The following CDH10 variants were observed in gnomAD, a reference collection of about 807,000 sequenced individuals.
CDH10 encodes cadherin 10.
Under a neutral mutation model 73.1 loss-of-function variants are expected in CDH10, and 30 were observed. The observed-to-expected ratio is 0.41, with a 90% CI of 0.31 to 0.56. CDH10 has a LOEUF of 0.56. Among genes scored for constraint, CDH10 ranks in the 20% least tolerant of loss-of-function variants. CDH10 has a pLI of 0.27. For missense variants in CDH10, 815 were observed against 973.7 expected, an observed-to-expected ratio of 0.84 and a Z score of 2.17; for synonymous variants, 345 against 348.2, an observed-to-expected ratio of 0.99 and a Z score of 0.10.
intron 1 of CDH10, among the ~76,000 whole-genome samples, chr5:24,628,742 G>T (rs867803278): frequency 6.6e-6 from 1 of 151,776 alleles, no homozygotes; most frequent in African/African-American, 2.4e-5. Flanking sequence ...ACCCAGGTTG[G>T]TGTCTTAGTA....
intron 2 of CDH10, among the ~76,000 whole-genome samples, chr5:24,569,974 C>T (rs952602468): frequency 6.6e-5 from 10 of 151,918 alleles, no homozygotes; most frequent in Non-Finnish European, 2.9e-5. Flanking sequence ...CCATATTGGA[C>T]GGGCTGTTCT....
chr5:24,586,761 T>G (rs1409341891), intron 2 of CDH10, among the ~76,000 whole-genome samples: 1 of 149,806 alleles, frequency 6.7e-6, no homozygotes, highest in East Asian at 2.0e-4. Flanking sequence ...AACTCTTAAT[T>G]AAAATTACCA....
At chr5:24,555,971 A>G (rs1295575024) in intron 2 of CDH10, among the ~76,000 whole-genome samples, 2 of 152,190 alleles carry the variant, frequency 1.3e-5, no homozygotes, top group South Asian at 2.1e-4. Context: ...GGAAACCACA[A>G]TCACTTCTAG....
At chr5:24,565,028 C>A (rs10473699) in intron 2 of CDH10, among the ~76,000 whole-genome samples, 2 of 151,962 alleles carry the variant, frequency 1.3e-5, no homozygotes, top group Non-Finnish European at 2.9e-5. Flanking sequence ...CCTCTCCTGA[C>A]TCTCTACATC....
chr5:24,566,830 T>TA (rs1745181698), intron 2 of CDH10, among the ~76,000 whole-genome samples: 1 of 151,874 alleles, frequency 6.6e-6, no homozygotes, highest in Non-Finnish European at 1.5e-5. Flanking sequence ...GCGCTAACTA[T>TA]AAAAAAATAA....
intron 2 of CDH10, among the ~76,000 whole-genome samples, chr5:24,579,841 AT>A (rs34761818): frequency 0.38 from 57,669 of 151,370 alleles, 13,296 homozygotes; most frequent in East Asian, 0.53. Context: ...CTACACTCAC[AT>A]TTTTTTGCAT....
At chr5:24,592,786 A>G (rs1746243776) in intron 2 of CDH10, among the ~76,000 whole-genome samples, 1 of 151,848 alleles carries the variant, frequency 6.6e-6, no homozygotes, top group African/African-American at 2.4e-5. Context: ...TTTTCTTATA[A>G]TAAGCAACAT....
At chr5:24,540,939 C>T (rs960622207) in intron 2 of CDH10, among the ~76,000 whole-genome samples, 4 of 151,796 alleles carry the variant, frequency 2.6e-5, no homozygotes, top group Non-Finnish European at 5.9e-5. Flanking sequence ...TCTAATTGTA[C>T]ATAAAACTGT....
intron 5 of CDH10, among the ~76,000 whole-genome samples, chr5:24,531,454 A>ATT (rs1743745869): frequency 6.6e-6 from 1 of 152,144 alleles, no homozygotes; most frequent in Non-Finnish European, 1.5e-5. Flanking sequence ...TGATAAAGAC[A>ATT]TACACAAGAC....
chr5:24,589,836 G>A (rs967785609), intron 2 of CDH10, among the ~76,000 whole-genome samples: 13 of 151,940 alleles, frequency 8.6e-5, no homozygotes, highest in African/African-American at 2.9e-4. Flanking sequence ...GTTTATAATC[G>A]CAATGTTCCT....
intron 2 of CDH10, among the ~76,000 whole-genome samples, chr5:24,584,855 T>A (rs184235309): frequency 3.3e-5 from 5 of 150,944 alleles, no homozygotes; most frequent in African/African-American, 9.7e-5. Context: ...AGCTTTTTTT[T>A]TTCCCCCCTG....
chr5:24,580,342 G>A (rs1222777610), intron 2 of CDH10, among the ~76,000 whole-genome samples: 1 of 151,920 alleles, frequency 6.6e-6, no homozygotes, highest in East Asian at 1.9e-4. Context: ...GGATTTAGAT[G>A]GCAAAGTTAT....
At chr5:24,490,523 C>T (rs10473686) in intron 11 of CDH10, among the ~76,000 whole-genome samples, 10,507 of 151,950 alleles carry the variant, frequency 0.069, 1,003 homozygotes, top group African/African-American at 0.22. Flanking sequence ...GATTTATCTA[C>T]CATAAGTAAT....
intron 2 of CDH10, among the ~76,000 whole-genome samples, chr5:24,586,264 G>A (rs1300787990): frequency 6.6e-6 from 1 of 152,018 alleles, no homozygotes; most frequent in Non-Finnish European, 1.5e-5. Flanking sequence ...AAGTTAGTGA[G>A]ATAATTTTGC....
intron 5 of CDH10, among the ~76,000 whole-genome samples, chr5:24,523,969 G>A (rs1385556074): frequency 6.6e-6 from 1 of 151,956 alleles, no homozygotes; most frequent in Admixed American, 6.6e-5. Flanking sequence ...TAGATGGGTT[G>A]TGTGTGTGTG....
intron 2 of CDH10, among the ~76,000 whole-genome samples, chr5:24,559,754 CAAAGTAAATGTT>C (rs1227667814): frequency 1.5e-4 from 23 of 151,964 alleles, no homozygotes; most frequent in Non-Finnish European, 2.6e-4. Flanking sequence ...AAGTTTCATA[CAAAGTAAATGTT>C]AAAGTCTAGT....
In CDH10 at chr5:24,573,890, T is replaced by A. The variant is rs987288722; in HGVS notation, c.231+19370A>T. Among the ~76,000 whole-genome samples the A allele has an allele frequency of 6.7e-5, 10 of 148,690 alleles. No individual in the cohort carries two copies. The East Asian group carries it at 1.6e-3, about 23-fold the overall frequency. On this transcript the variant is annotated intron_variant, in intron 2 of 11. Transcript: ENST00000264463. ...CATATATTTCATATTATATAAAAAA[T>A]ATATATATTTTTGAGACGGATTCTC...
At chr5:24,599,342 T>G (rs1471005732) in intron 1 of CDH10, among the ~76,000 whole-genome samples, 1 of 151,782 alleles carries the variant, frequency 6.6e-6, no homozygotes, top group African/African-American at 2.4e-5. Flanking sequence ...GAAGAGAGAG[T>G]TTGGGAGATT....
At chr5:24,624,542 A>G (rs914703495) in intron 1 of CDH10, among the ~76,000 whole-genome samples, 1 of 152,164 alleles carries the variant, frequency 6.6e-6, no homozygotes, top group African/African-American at 2.4e-5. Context: ...TTGCATGGCT[A>G]AAGTCTAAAT....
Sources: allele counts gnomAD v4.1 joint callset (sites outside exome capture counted in the v4.1 genomes callset), GRCh38; gene constraint gnomAD v4.1.1; transcripts MANE v1.5; gene names NCBI Gene and HGNC (gene_info 2026-07-23, HGNC 2026-07-21).